KCNQ1: variants seen among roughly 807,000 people sequenced by gnomAD.
KCNQ1 encodes potassium voltage-gated channel subfamily KQT member 1.
KCNQ1 carries 49 observed loss-of-function variants against 72.4 expected under a neutral mutation model. The ratio of observed to expected loss-of-function variants is 0.68; its 90% CI spans 0.54 to 0.86. The LOEUF (loss-of-function observed/expected upper bound fraction) is 0.86. Ranked by LOEUF, KCNQ1 falls within the 40% of genes least tolerant of loss-of-function variation. The pLI is 0.00. For synonymous variants in KCNQ1, 450 were observed against 412.6 expected (o/e 1.09, Z -1.10); for missense variants, 790 against 945.1 (o/e 0.84, Z 2.15).
At chr11:2,776,616 T>A (rs370189676) in intron 13 of KCNQ1, among the ~76,000 whole-genome samples, 1 of 152,146 alleles carries the variant, frequency 6.6e-6, no homozygotes, top group African/African-American at 2.4e-5. Context: ...CGAGATGGGC[T>A]CGCCTGGGAA....
chr11:2,553,176 T>G (rs199800721), intron 2 of KCNQ1, among the ~76,000 whole-genome samples: 22 of 143,492 alleles, frequency 1.5e-4, no homozygotes, highest in South Asian at 2.4e-4. Context: ...TTTTTTTTTT[T>G]GTTTTTTTGT....
At position 2,815,630 on chromosome 11, in the gene KCNQ1, G is replaced by A. The variant is rs1847597773; in HGVS notation, c.1795-32137G>A. On this transcript the variant is annotated intron_variant, in intron 15 of 15. Coordinates refer to ENST00000155840, the MANE Select transcript of KCNQ1 (RefSeq NM_000218.3). The surrounding 1 kb of genome is among the most constrained non-coding windows in gnomAD (Gnocchi z 5.4). ...AGGATGCCTGACAGTAGAGTTGCAG[G>A]GGGGCAGGCACCATCGCCCCCAGCC... is the stretch of plus-strand genomic sequence containing the variant. 6.6e-6 allele frequency among the ~76,000 whole-genome samples: 1 copy of A among 152,120 alleles called. No homozygotes were observed. The highest frequency in any genetic ancestry group is 2.1e-4 in the South Asian group (1 of 4,834).
At chr11:2,846,333 G>A (rs139257023) in intron 15 of KCNQ1, among the ~76,000 whole-genome samples, 56 of 152,250 alleles carry the variant, frequency 3.7e-4, no homozygotes, top group Non-Finnish European at 5.6e-4. Flanking sequence ...AGCCCTTATC[G>A]CGTGCTGATC....
Position 2,481,100 on chromosome 11 carries a change from G to T in KCNQ1, c.386+35616G>T, listed in dbSNP as rs1003663004. 1.3e-5 allele frequency among the ~76,000 whole-genome samples: 2 copies of T among 152,198 alleles called. No individual in the cohort carries two copies. Among genetic ancestry groups the T allele is most frequent in the African/African-American group, 4.8e-5 (2 of 41,438 alleles). On this transcript the variant is annotated intron_variant, in intron 1 of 15. Coordinates refer to ENST00000155840, the MANE Select transcript of KCNQ1 (RefSeq NM_000218.3). This position sits in a 1 kb window ranked among gnomAD's most constrained non-coding sequence, Gnocchi z 4.6. Reference sequence around the variant, plus strand: ...TTCACTCATAGCCACGAGAACGGGTGGTGGTCTCTTCTGCAGTGAACTGAT... The same window carrying T: ...TTCACTCATAGCCACGAGAACGGGTTGTGGTCTCTTCTGCAGTGAACTGAT...
At chr11:2,823,575 G>A (rs1847782642) in intron 15 of KCNQ1, among the ~76,000 whole-genome samples, 1 of 152,224 alleles carries the variant, frequency 6.6e-6, no homozygotes, top group African/African-American at 2.4e-5. Context: ...AGGGCTACAG[G>A]CCTCCAGCCC....
chr11:2,714,103 C>T (rs977976639), intron 11 of KCNQ1, among the ~76,000 whole-genome samples: 3 of 152,248 alleles, frequency 2.0e-5, no homozygotes, highest in South Asian at 4.1e-4. Flanking sequence ...CCGAGCCTCT[C>T]CTGTTGCTGG....
Position 2,588,283 on chromosome 11 carries a change from G to C in KCNQ1, c.1252-430G>C, listed in dbSNP as rs907741025. 3.9e-5 allele frequency among the ~76,000 whole-genome samples: 6 copies of C among 151,958 alleles called. No homozygotes were observed. Among genetic ancestry groups the C allele is most frequent in the Admixed American group, 2.0e-4 (3 of 15,250 alleles). ...GTTTCCAGCTGCCGGTGGAGCCTCC[G>C]TGCCTACTGTTCCCTGTGCTGGAAT... On this transcript the variant is annotated intron_variant, in intron 9 of 15. Transcript: ENST00000155840. The surrounding 1 kb of genome is among the most constrained non-coding windows in gnomAD (Gnocchi z 5.6).
rs1405447774 is a variant in KCNQ1 at position 2,816,011 on chromosome 11, GCA to G, written c.1795-31751_1795-31750del. 6.6e-6 allele frequency among the ~76,000 whole-genome samples: 1 copy of G among 152,214 alleles called. No homozygotes were observed. Among genetic ancestry groups the G allele is most frequent in the African/African-American group, 2.4e-5 (1 of 41,444 alleles). ...GCAGGGCTCTGGGGAGTCCAAGTGT[GCA>G]CACAGTCCTGGGTGAGGGCTCCGTT... is the stretch of plus-strand genomic sequence containing the variant. On this transcript the variant is annotated intron_variant, in intron 15 of 15. Coordinates refer to ENST00000155840, the MANE Select transcript of KCNQ1 (RefSeq NM_000218.3). This position sits in a 1 kb window ranked among gnomAD's most constrained non-coding sequence, Gnocchi z 6.8.
chr11:2,574,583 C>T (rs997665216), intron 6 of KCNQ1, among the ~76,000 whole-genome samples: 4 of 152,206 alleles, frequency 2.6e-5, no homozygotes, highest in Admixed American at 1.3e-4. Context: ...GACCCCCCAC[C>T]ACCATCAGAG....
intron 11 of KCNQ1, chr11:2,686,565 C>G: frequency 2.5e-6 from 1 of 398,716 alleles, no homozygotes. Context: ...CCTGCAAGGA[C>G]AGCTGTGGTG....
At chr11:2,504,558 C>T (rs1296885987) in intron 1 of KCNQ1, among the ~76,000 whole-genome samples, 2 of 152,106 alleles carry the variant, frequency 1.3e-5, no homozygotes, top group African/African-American at 2.4e-5. Flanking sequence ...GAGTTCGAGG[C>T]CTGCCTGGCC....
Position 2,695,375 on chromosome 11 carries a change from C to G in KCNQ1, c.1514+33294C>G. 1 of 398,540 alleles carries G rather than the reference C, an allele frequency of 2.5e-6. No homozygotes were observed. The highest frequency in any genetic ancestry group is 4.4e-6 in the Non-Finnish European group (1 of 226,046). The allele number at this position is 398,540 out of a possible 1,614,324, so 24.7% of individuals were successfully genotyped here. A position where few individuals can be genotyped will look rare whatever the true frequency, so the allele number is the denominator to read the frequency against. On this transcript the variant is annotated intron_variant, in intron 11 of 15. Coordinates refer to ENST00000155840, the MANE Select transcript of KCNQ1 (RefSeq NM_000218.3). The surrounding 1 kb of genome is among the most constrained non-coding windows in gnomAD (Gnocchi z 5.2). ...ACGAGCACTCCCTAGTACTGCGTGT[C>G]TGGGTGGTGTGTAATTTTAATTTAA...
In KCNQ1 at chr11:2,588,826, C is replaced by G. The variant is rs1172079897; in HGVS notation, c.1365C>G (p.His455Gln). ...CDPPEERRLDHFSVDGYDSSV... is the reference protein window; with the variant it reads ...CDPPEERRLDQFSVDGYDSSV... Reference sequence around the variant, plus strand: ...CCCCAGAAGAGCGGCGGCTGGACCACTTCTCTGTCGACGGCTATGACAGTT... The same window carrying G: ...CCCCAGAAGAGCGGCGGCTGGACCAGTTCTCTGTCGACGGCTATGACAGTT... Residue 455 changes from histidine (H) to glutamine (Q), a missense_variant, in exon 10 of 16, where the codon CAC (histidine) becomes CAG (glutamine). His to Gln is a conservative substitution (Grantham distance 24). Transcript: ENST00000155840. This position sits in a 1 kb window ranked among gnomAD's most constrained non-coding sequence, Gnocchi z 5.6. The G allele has an allele frequency of 6.2e-7, 1 of 1,612,694 alleles. No homozygotes were observed. Among genetic ancestry groups the G allele is most frequent in the East Asian group, 2.2e-5 (1 of 44,852 alleles).
intron 1 of KCNQ1, among the ~76,000 whole-genome samples, chr11:2,452,335 TG>T (rs1846129233): frequency 1.3e-5 from 2 of 152,198 alleles, no homozygotes; most frequent in South Asian, 4.1e-4. Flanking sequence ...CCTTCGGCCC[TG>T]GAATGCTCCT....
chr11:2,626,077 G>C lies in KCNQ1; in HGVS notation c.1394-35884G>C, dbSNP rs973514763. 6.3e-5 allele frequency: 25 copies of C among 398,464 alleles called. No homozygotes were observed. The highest frequency in any genetic ancestry group is 1.8e-5 in the Non-Finnish European group (4 of 226,052). The allele number at this position is 398,464 out of a possible 1,614,324, so 24.7% of individuals were successfully genotyped here. Reference sequence around the variant, plus strand: ...AGTTTTACTTTTATTGCCTGTGCAAGTACAATTTATCTATTTTTACTTTTA... The same window carrying C: ...AGTTTTACTTTTATTGCCTGTGCAACTACAATTTATCTATTTTTACTTTTA... On this transcript the variant is annotated intron_variant, in intron 10 of 15. Coordinates refer to ENST00000155840, the MANE Select transcript of KCNQ1 (RefSeq NM_000218.3). The surrounding 1 kb of genome is among the most constrained non-coding windows in gnomAD (Gnocchi z 4.0).
At chr11:2,714,791 C>A (rs540315928) in intron 11 of KCNQ1, among the ~76,000 whole-genome samples, 399 of 152,140 alleles carry the variant, frequency 2.6e-3, no homozygotes, top group Non-Finnish European at 4.4e-3. Flanking sequence ...TCGTCGTCAT[C>A]TTTCCAATGG....
intron 11 of KCNQ1, chr11:2,665,541 C>G (rs1414871326): frequency 7.6e-6 from 3 of 394,066 alleles, no homozygotes; most frequent in African/African-American, 6.4e-5. Context: ...GCCCTTGTCA[C>G]CCATCTGCAG....
chr11:2,665,951 C>T, intron 11 of KCNQ1: 1 of 398,616 alleles, frequency 2.5e-6, no homozygotes, highest in Non-Finnish European at 4.4e-6. Flanking sequence ...GTGAAATCCT[C>T]CCTCACACTG....
rs1846529625 is a variant in KCNQ1, at chr11:2,768,163, C to A, written c.1515-681C>A. On this transcript the variant is annotated intron_variant, in intron 11 of 15. Transcript: ENST00000155840. This position sits in a 1 kb window ranked among gnomAD's most constrained non-coding sequence, Gnocchi z 6.7. ...GAAAGTCAGGCAGGCGTTAGCTTCA[C>A]TGCCAGGAGGGAATCTCCTGTGGCC... 6.6e-6 allele frequency among the ~76,000 whole-genome samples: 1 copy of A among 152,278 alleles called. No individual in the cohort carries two copies. The highest frequency in any genetic ancestry group is 2.1e-4 in the South Asian group (1 of 4,834).
Sources: gnomAD v4.1 joint callset for allele counts (sites outside exome capture counted in the v4.1 genomes callset) on GRCh38, gnomAD v4.1.1 for gene constraint, Gnocchi (gnomAD v3.1) non-coding constraint, MANE v1.5 for transcripts, NCBI Gene and HGNC (gene_info 2026-07-23, HGNC 2026-07-21) for gene names.